The following STK3 variants were observed in gnomAD, a reference collection of about 807,000 sequenced individuals.
The protein encoded by STK3 is serine/threonine-protein kinase 3.
STK3 carries 41 observed loss-of-function variants against 58.0 expected under a neutral mutation model. That is an observed-to-expected ratio of 0.71 (90% CI 0.55 to 0.92). STK3 has a LOEUF of 0.92. Among genes scored for constraint, STK3 ranks in the 40% least tolerant of loss-of-function variants. The pLI is 0.00. For missense variants in STK3, 479 were observed against 602.7 expected (o/e 0.79, Z 2.15); for synonymous variants, 170 against 191.0 (o/e 0.89, Z 0.91).
intron 1 of STK3, among the ~76,000 whole-genome samples, chr8:98,925,702 A>G (rs1381825835): frequency 6.6e-6 from 1 of 152,100 alleles, no homozygotes; most frequent in Non-Finnish European, 1.5e-5. Context: ...GCTTGCTGTG[A>G]ATGCAATCTC....
At chr8:98,492,399 T>C (rs965687802) in intron 10 of STK3, among the ~76,000 whole-genome samples, 11 of 152,200 alleles carry the variant, frequency 7.2e-5, no homozygotes, top group Non-Finnish European at 1.3e-4. Context: ...TAGAAGTATA[T>C]TTAATTCTGT....
At chr8:98,821,655 C>T (rs2131734616) in intron 1 of STK3, among the ~76,000 whole-genome samples, 1 of 141,412 alleles carries the variant, frequency 7.1e-6, no homozygotes, top group Non-Finnish European at 1.5e-5. Context: ...GAGTAAGACC[C>T]AATCTCAAAA....
At chr8:98,389,559 C>T (rs1586545536), upstream of STK3, among the ~76,000 whole-genome samples, 2 of 152,064 alleles carry the variant, frequency 1.3e-5, no homozygotes, top group Admixed American at 1.3e-4. Flanking sequence ...GTGGTGCTAG[C>T]CCTGAAGGAT....
chr8:98,647,838 T>C (rs548781756), intron 6 of STK3, among the ~76,000 whole-genome samples: 11 of 152,244 alleles, frequency 7.2e-5, no homozygotes, highest in African/African-American at 2.7e-4. Context: ...TCCTCCTTAA[T>C]AAATTGTTAA....
At chr8:98,750,152 G>C (rs1219248333) in intron 3 of STK3, among the ~76,000 whole-genome samples, 5 of 152,082 alleles carry the variant, frequency 3.3e-5, no homozygotes, top group African/African-American at 1.2e-4. Context: ...AATGCTACAA[G>C]AGCTCAAATG....
chr8:98,678,338 C>T (rs1823376149), intron 6 of STK3, among the ~76,000 whole-genome samples: 1 of 151,900 alleles, frequency 6.6e-6, no homozygotes, highest in Non-Finnish European at 1.5e-5. Context: ...AATTGATATG[C>T]TACACCTTAA....
chr8:98,347,590 A>G, the STK3 span, among the ~76,000 whole-genome samples: 1 of 152,294 alleles, frequency 6.6e-6, no homozygotes, highest in Admixed American at 6.5e-5. Flanking sequence ...AAAATGGAAC[A>G]AAGGACAGCT....
chr8:98,642,640 C>A (rs1820113994), intron 6 of STK3, among the ~76,000 whole-genome samples: 1 of 152,130 alleles, frequency 6.6e-6, no homozygotes, highest in Non-Finnish European at 1.5e-5. Flanking sequence ...GCTGCCCACT[C>A]CCATAAAGAA....
intron 3 of STK3, among the ~76,000 whole-genome samples, chr8:98,864,077 T>C (rs1027889526): frequency 4.6e-4 from 69 of 151,586 alleles, no homozygotes; most frequent in African/African-American, 1.6e-3. Flanking sequence ...CGGGTGCCTG[T>C]AGTCCCAGCT....
intron 1 of STK3, among the ~76,000 whole-genome samples, chr8:98,797,669 A>G (rs1175676222): frequency 1.3e-5 from 2 of 152,222 alleles, no homozygotes; most frequent in Non-Finnish European, 2.9e-5. Flanking sequence ...AGAGAACATG[A>G]ACTTTATTAT....
At chr8:98,659,612 C>G (rs1275861971) in intron 6 of STK3, among the ~76,000 whole-genome samples, 2 of 151,616 alleles carry the variant, frequency 1.3e-5, no homozygotes, top group Non-Finnish European at 2.9e-5. Context: ...TGAACCGATG[C>G]AGTGTAGAGT....
chr8:98,872,172 C>T (rs1837402417), intron 3 of STK3, among the ~76,000 whole-genome samples: 2 of 152,168 alleles, frequency 1.3e-5, no homozygotes, highest in South Asian at 4.1e-4. Context: ...TTTAACCAGC[C>T]TTGCATCCCA....
upstream of STK3, among the ~76,000 whole-genome samples, chr8:98,828,968 CT>C (rs1835429212): frequency 6.6e-6 from 1 of 152,204 alleles, no homozygotes. Flanking sequence ...GGATAGCATC[CT>C]TTTGGTCCTG....
intron 1 of STK3, among the ~76,000 whole-genome samples, chr8:98,809,234 T>C (rs1343168075): frequency 6.6e-6 from 1 of 152,198 alleles, no homozygotes; most frequent in Admixed American, 6.5e-5. Context: ...ATGACTGAAC[T>C]TGATTTGTAG....
chr8:98,583,750 G>A (rs1405478543), intron 7 of STK3, among the ~76,000 whole-genome samples: 4 of 151,976 alleles, frequency 2.6e-5, no homozygotes, highest in Non-Finnish European at 5.9e-5. Context: ...AAAACAATTT[G>A]AGCTATCTTA....
chr8:98,556,202 G>T (rs1057292673), intron 8 of STK3, among the ~76,000 whole-genome samples: 1 of 152,072 alleles, frequency 6.6e-6, no homozygotes. Context: ...TCACTCACAC[G>T]CTCTAGGGGA....
chr8:98,905,363 T>A, intron 1 of STK3: 2 of 1,036,836 alleles, frequency 1.9e-6, no homozygotes, highest in Non-Finnish European at 3.1e-6. Flanking sequence ...ATTCAATGAC[T>A]GGACCATACT....
chr8:98,373,527 T>C (rs1195003336), intron 2 of STK3, among the ~76,000 whole-genome samples: 1 of 152,154 alleles, frequency 6.6e-6, no homozygotes, highest in African/African-American at 2.4e-5. Flanking sequence ...GTAAGGCAGG[T>C]ACTATTTTCA....
intron 9 of STK3, among the ~76,000 whole-genome samples, chr8:98,542,144 T>C (rs1810323831): frequency 6.6e-6 from 1 of 152,178 alleles, no homozygotes; most frequent in South Asian, 2.1e-4. Context: ...AGCACAGTGT[T>C]TGGCCTGTAG....
Sources: gnomAD v4.1 joint callset for allele counts (sites outside exome capture counted in the v4.1 genomes callset) on GRCh38, gnomAD v4.1.1 for gene constraint, MANE v1.5 for transcripts, NCBI Gene and HGNC (gene_info 2026-07-23, HGNC 2026-07-21) for gene names.